Variants in EPHA3 observed in about 807,000 individuals in gnomAD.
EPHA3 encodes the protein EPH receptor A3.
Under a neutral mutation model 107.1 loss-of-function variants are expected in EPHA3, and 42 were observed. The observed-to-expected ratio is 0.39, with a 90% CI of 0.31 to 0.51. The LOEUF is 0.51. Among genes scored for constraint, EPHA3 ranks in the 20% least tolerant of loss-of-function variants. The probability of loss-of-function intolerance (pLI) is 0.78; values close to 1 mark genes in which losing one functional copy is unlikely to be tolerated. For missense variants in EPHA3, 1,183 were observed against 1,211.2 expected (o/e 0.98, Z 0.35); for synonymous variants, 461 against 424.8 (o/e 1.09, Z -1.05).
intron 3 of EPHA3, among the ~76,000 whole-genome samples, chr3:89,265,029 T>A (rs1705503938): frequency 5.9e-5 from 9 of 152,136 alleles, no homozygotes; most frequent in Admixed American, 5.9e-4. Flanking sequence ...CCAGACAGAA[T>A]TGCAGACATT....
chr3:89,390,155 C>T (rs1708695960), intron 5 of EPHA3, among the ~76,000 whole-genome samples: 1 of 152,016 alleles, frequency 6.6e-6, no homozygotes, highest in South Asian at 2.1e-4. Flanking sequence ...CCACAACCAG[C>T]TAATTTTTGA....
At chr3:89,194,154 A>T (rs1159753998) in intron 2 of EPHA3, among the ~76,000 whole-genome samples, 1 of 152,036 alleles carries the variant, frequency 6.6e-6, no homozygotes, top group Non-Finnish European at 1.5e-5. Flanking sequence ...TTCTTTAAAA[A>T]TACTAATATT....
rs182508133 is a variant in EPHA3 at position 89,388,284 on chromosome 3, G to A, written c.1307-7553G>A. 1.2e-3 allele frequency among the ~76,000 whole-genome samples: 187 copies of A among 152,146 alleles called. 1 individual carries two copies. The South Asian group carries it at 0.023, about 19-fold the overall frequency. On this transcript the variant is annotated intron_variant, in intron 5 of 16. Coordinates refer to ENST00000336596, the MANE Select transcript of EPHA3 (RefSeq NM_005233.6). Reference sequence around the variant, plus strand: ...TTCCATGGTAGATTTATGCAAAGCCGGCACTATGCTAGGCACCTAAGATTC... The same window carrying A: ...TTCCATGGTAGATTTATGCAAAGCCAGCACTATGCTAGGCACCTAAGATTC...
At chr3:89,149,484 CT>C (rs994319123) in intron 2 of EPHA3, among the ~76,000 whole-genome samples, 15 of 151,778 alleles carry the variant, frequency 9.9e-5, no homozygotes, top group Admixed American at 2.0e-4. Context: ...ATAGAATAAT[CT>C]TTTTTTATTA....
At chr3:89,255,959 T>C (rs1490906957) in intron 3 of EPHA3, among the ~76,000 whole-genome samples, 2 of 151,898 alleles carry the variant, frequency 1.3e-5, no homozygotes, top group East Asian at 3.9e-4. Flanking sequence ...TGCGGTGGCT[T>C]ACACCTGTCT....
intron 1 of EPHA3, among the ~76,000 whole-genome samples, chr3:89,115,999 A>T (rs1467765400): frequency 6.6e-6 from 1 of 152,194 alleles, no homozygotes; most frequent in African/African-American, 2.4e-5. Flanking sequence ...ATTGAAGAAA[A>T]CCATATAAAT....
chr3:89,177,603 T>C (rs1705347822), intron 2 of EPHA3, among the ~76,000 whole-genome samples: 1 of 152,096 alleles, frequency 6.6e-6, no homozygotes, highest in South Asian at 2.1e-4. Flanking sequence ...AGCCTTAAGG[T>C]TTAGTTTGTT....
chr3:89,362,120 G>A (rs1168141431), intron 5 of EPHA3, among the ~76,000 whole-genome samples: 1 of 150,966 alleles, frequency 6.6e-6, no homozygotes, highest in East Asian at 1.9e-4. Context: ...TTTCAGAATT[G>A]TTTCGTTTTA....
chr3:89,431,371 A>G lies in EPHA3; in HGVS notation c.2346+12A>G. On this transcript the variant is annotated intron_variant, in intron 13 of 16. Coordinates refer to ENST00000336596, the MANE Select transcript of EPHA3 (RefSeq NM_005233.6). ...CTTATACAACAAGAGTGAGTAACTT[A>G]GATTTTCTCCTTTTTTATCATTGTT... The G allele has an allele frequency of 6.2e-7, 1 of 1,604,922 alleles. No homozygotes were observed. The highest frequency in any genetic ancestry group is 1.1e-5 in the South Asian group (1 of 90,356).
chr3:89,351,528 G>T (rs1205484146), intron 5 of EPHA3, among the ~76,000 whole-genome samples: 1 of 150,420 alleles, frequency 6.6e-6, no homozygotes, highest in African/African-American at 2.4e-5. Flanking sequence ...GCACTCCCTA[G>T]TGAGATGAAC....
chr3:89,453,335 C>A (rs1054550361), intron 15 of EPHA3, among the ~76,000 whole-genome samples: 4 of 152,110 alleles, frequency 2.6e-5, no homozygotes, highest in Non-Finnish European at 5.9e-5. Context: ...GTCTTACTAT[C>A]AGATCATAAT....
chr3:89,197,700 GC>G (rs943250584), intron 2 of EPHA3, among the ~76,000 whole-genome samples: 1 of 152,134 alleles, frequency 6.6e-6, no homozygotes, highest in African/African-American at 2.4e-5. Context: ...TTGTGGCTGG[GC>G]ACAGTGGCTC....
rs771545861 is a variant in EPHA3 at position 89,354,216 on chromosome 3, C to T, written c.1306+12126C>T. On this transcript the variant is annotated intron_variant, in intron 5 of 16. Coordinates refer to ENST00000336596, the MANE Select transcript of EPHA3 (RefSeq NM_005233.6). Reference sequence around the variant, plus strand: ...ATGTGTTCTACCTCCCTAAAGTTAACTGAAATATAGTCCTTAGGATATAAT... The same window carrying T: ...ATGTGTTCTACCTCCCTAAAGTTAATTGAAATATAGTCCTTAGGATATAAT... Among the ~76,000 whole-genome samples the T allele has an allele frequency of 1.3e-5, 2 of 151,114 alleles. 1 individual carries two copies. Among genetic ancestry groups the T allele is most frequent in the Non-Finnish European group, 3.0e-5 (2 of 67,500 alleles).
intron 3 of EPHA3, among the ~76,000 whole-genome samples, chr3:89,220,692 A>C (rs1704351675): frequency 6.6e-6 from 1 of 152,198 alleles, no homozygotes. Flanking sequence ...ATGAAATCAA[A>C]TCTAACATTT....
At chr3:89,404,822 T>C (rs763288991) in intron 7 of EPHA3, among the ~76,000 whole-genome samples, 5 of 152,194 alleles carry the variant, frequency 3.3e-5, no homozygotes, top group Admixed American at 6.5e-5. Context: ...AGCTTTATTT[T>C]ATAAGCTGGC....
chr3:89,475,785 C>G (rs1710493608), intron 16 of EPHA3, among the ~76,000 whole-genome samples: 1 of 152,122 alleles, frequency 6.6e-6, no homozygotes, highest in African/African-American at 2.4e-5. Context: ...TACCAGATAA[C>G]ACTTTAACCT....
In EPHA3 at chr3:89,363,672, G is replaced by C. The variant is rs113831915; in HGVS notation, c.1306+21582G>C. On this transcript the variant is annotated intron_variant, in intron 5 of 16. Coordinates refer to ENST00000336596, the MANE Select transcript of EPHA3 (RefSeq NM_005233.6). ...ATAAATTTAACCATCATAGTCAGTG[G>C]TGTGTGTGCGTGTGTGTGTGTGTGT... Among the ~76,000 whole-genome samples the C allele has an allele frequency of 4.6e-3, 684 of 149,940 alleles. 18 individuals are homozygous for C. The highest frequency in any genetic ancestry group is 0.017 in the Middle Eastern group (5 of 292).
At chr3:89,298,093 G>T (rs575068436) in intron 3 of EPHA3, among the ~76,000 whole-genome samples, 1 of 152,184 alleles carries the variant, frequency 6.6e-6, no homozygotes, top group South Asian at 2.1e-4. Flanking sequence ...GAATCTTGAG[G>T]TTTTCTAATT....
At chr3:89,139,301 G>A (rs1704377843) in intron 2 of EPHA3, among the ~76,000 whole-genome samples, 1 of 151,804 alleles carries the variant, frequency 6.6e-6, no homozygotes, top group Non-Finnish European at 1.5e-5. Flanking sequence ...CACTTCATAG[G>A]TTTACTCAAA....
Sources: allele counts gnomAD v4.1 joint callset (sites outside exome capture counted in the v4.1 genomes callset), GRCh38; gene constraint gnomAD v4.1.1; transcripts MANE v1.5; gene names NCBI Gene and HGNC (gene_info 2026-07-23, HGNC 2026-07-21).